Variants in PVT1 observed in about 807,000 individuals in gnomAD.
PVT1 encodes CXCR4/PVT1 fusion.
chr8:127,823,515 T>A (rs1433069619), intron 2 of PVT1, among the ~76,000 whole-genome samples: 1 of 152,170 alleles, frequency 6.6e-6, no homozygotes, highest in Non-Finnish European at 1.5e-5. Flanking sequence ...TAGCCCTGTT[T>A]CCCAGAGTGA....
At chr8:127,868,424 A>G (rs756850943) in intron 2 of PVT1, among the ~76,000 whole-genome samples, 11 of 151,888 alleles carry the variant, frequency 7.2e-5, no homozygotes, top group East Asian at 3.9e-4. Context: ...GTCTCACTCT[A>G]TTGCCCAGGT....
At chr8:127,976,088 A>C (rs1302629139) in intron 3 of PVT1, among the ~76,000 whole-genome samples, 5 of 152,202 alleles carry the variant, frequency 3.3e-5, no homozygotes, top group African/African-American at 1.2e-4. Context: ...TGGAGCTTAC[A>C]TCTTTGGGTT....
At chr8:127,856,359 CTTT>C (rs547075892) in intron 2 of PVT1, among the ~76,000 whole-genome samples, 1 of 144,272 alleles carries the variant, frequency 6.9e-6, no homozygotes, top group African/African-American at 2.5e-5. Flanking sequence ...ATTTTTTTTT[CTTT>C]TTTTTTTTTG....
rs901209317 is a variant in PVT1, at chr8:127,896,990, C to T, written n.782+5992C>T. 3.3e-5 allele frequency among the ~76,000 whole-genome samples: 5 copies of T among 152,266 alleles called. No homozygotes were observed. In the South Asian group the frequency reaches 6.2e-4, roughly 19 times the overall value. On this transcript the variant is annotated intron_variant and non_coding_transcript_variant, in intron 3 of 10. Coordinates refer to ENST00000651587, the Ensembl canonical transcript of PVT1. ...CCCCATGAAGCTGTCTCCTGGCTTT[C>T]CCAGCTAGAGCCTGTGGGTATGAAG...
At chr8:128,084,676 G>A (rs1814234480) in intron 5 of PVT1, among the ~76,000 whole-genome samples, 1 of 152,164 alleles carries the variant, frequency 6.6e-6, no homozygotes, top group South Asian at 2.1e-4. Flanking sequence ...TAGAAATAAG[G>A]TATAGCTGAC....
chr8:127,809,801 CTTAGGTCATGA>C (rs1198148387), intron 2 of PVT1, among the ~76,000 whole-genome samples: 4 of 152,218 alleles, frequency 2.6e-5, no homozygotes, highest in Non-Finnish European at 5.9e-5. Flanking sequence ...TTTAGTCCCA[CTTAGGTCATGA>C]TTCATCCCAC....
intron 3 of PVT1, among the ~76,000 whole-genome samples, chr8:127,907,627 G>T (rs886791569): frequency 6.6e-6 from 1 of 152,180 alleles, no homozygotes; most frequent in Non-Finnish European, 1.5e-5. Flanking sequence ...AGTTCAGACC[G>T]TATTGTCAGT....
At chr8:128,044,293 ATTTG>A (rs1813586048) in intron 4 of PVT1, among the ~76,000 whole-genome samples, 1 of 151,388 alleles carries the variant, frequency 6.6e-6, no homozygotes, top group Non-Finnish European at 1.5e-5. Context: ...TTACTTGTTT[ATTTG>A]TTTGTTGACA....
chr8:127,812,348 G>A (rs1814607676), intron 2 of PVT1, among the ~76,000 whole-genome samples: 1 of 151,752 alleles, frequency 6.6e-6, no homozygotes, highest in Non-Finnish European at 1.5e-5. Context: ...ACTTTGGGAG[G>A]CTGAGATGGG....
chr8:127,860,285 C>T (rs1446624352), intron 2 of PVT1, among the ~76,000 whole-genome samples: 2 of 152,206 alleles, frequency 1.3e-5, no homozygotes, highest in Non-Finnish European at 2.9e-5. Flanking sequence ...CAGCAACAGG[C>T]TGCTCCTCTG....
At chr8:128,025,621 C>T (rs1183769891) in intron 4 of PVT1, among the ~76,000 whole-genome samples, 3 of 152,206 alleles carry the variant, frequency 2.0e-5, no homozygotes, top group Admixed American at 1.3e-4. Context: ...GATTTAAATT[C>T]GTGCAGAATC....
At chr8:128,098,748 GT>G (rs1450413676) in intron 6 of PVT1, among the ~76,000 whole-genome samples, 1 of 152,136 alleles carries the variant, frequency 6.6e-6, no homozygotes, top group Non-Finnish European at 1.5e-5. Flanking sequence ...CTCTGCAGAG[GT>G]TTCCTCCATG....
intron 3 of PVT1, among the ~76,000 whole-genome samples, chr8:127,934,580 T>A (rs11782761): frequency 6.6e-6 from 1 of 152,026 alleles, no homozygotes; most frequent in Non-Finnish European, 1.5e-5. Context: ...CAGGAAAGAG[T>A]GAATGGGTAC....
At chr8:127,926,272 GC>G (rs1816128418) in intron 3 of PVT1, among the ~76,000 whole-genome samples, 1 of 152,192 alleles carries the variant, frequency 6.6e-6, no homozygotes, top group Non-Finnish European at 1.5e-5. Flanking sequence ...CTGTTATCAT[GC>G]CTGAGCATCG....
chr8:127,943,338 G>A (rs1354735592), intron 3 of PVT1, among the ~76,000 whole-genome samples: 2 of 152,186 alleles, frequency 1.3e-5, no homozygotes, highest in Non-Finnish European at 2.9e-5. Flanking sequence ...TCCATTAGCT[G>A]CAAAAATTAG....
At chr8:127,964,791 A>G (rs1816686234) in intron 3 of PVT1, among the ~76,000 whole-genome samples, 1 of 152,106 alleles carries the variant, frequency 6.6e-6, no homozygotes, top group Non-Finnish European at 1.5e-5. Context: ...TCTCAAGATT[A>G]TTATTTTTAA....
intron 5 of PVT1, among the ~76,000 whole-genome samples, chr8:128,080,344 C>T (rs1000455562): frequency 3.3e-5 from 5 of 152,304 alleles, no homozygotes; most frequent in Non-Finnish European, 5.9e-5. Context: ...TATCATTTTG[C>T]ATTCCCACCA....
chr8:128,096,436 C>T (rs890045018), intron 5 of PVT1: 3 of 152,158 alleles, frequency 2.0e-5, no homozygotes, highest in Admixed American at 6.5e-5. Flanking sequence ...GTCCCCTGTA[C>T]CAGCTGAGCA....
At chr8:128,022,862 ATTT>A (rs57327175) in intron 4 of PVT1, among the ~76,000 whole-genome samples, 4 of 133,936 alleles carry the variant, frequency 3.0e-5, no homozygotes, top group Admixed American at 7.7e-5. Flanking sequence ...GCAAGCTGAG[ATTT>A]TTTTTTTTTT....
Sources: allele counts gnomAD v4.1 joint callset (sites outside exome capture counted in the v4.1 genomes callset), GRCh38; gene constraint gnomAD v4.1.1; transcripts MANE v1.5; gene names NCBI Gene and HGNC (gene_info 2026-07-23, HGNC 2026-07-21).